The following NRG1 variants were observed in gnomAD, a reference collection of about 807,000 sequenced individuals.
NRG1 encodes pro-neuregulin-1, membrane-bound isoform.
In NRG1, 18 loss-of-function variants were observed where a neutral mutation model predicts 63.8. That is an observed-to-expected ratio of 0.28 (90% CI 0.19 to 0.42). NRG1 has a LOEUF of 0.42. Among genes scored for constraint, NRG1 ranks in the 10% least tolerant of loss-of-function variants. The pLI is 1.00. For missense variants in NRG1, 762 were observed against 814.7 expected (o/e 0.94, Z 0.79); for synonymous variants, 302 against 301.3 (o/e 1.00, Z -0.02).
At chr8:32,130,940 A>G (rs1171554676) in intron 1 of NRG1, among the ~76,000 whole-genome samples, 2 of 151,962 alleles carry the variant, frequency 1.3e-5, no homozygotes, top group African/African-American at 4.8e-5. Flanking sequence ...ATATTTTTAA[A>G]GTCTAAATTA....
intron 1 of NRG1, among the ~76,000 whole-genome samples, chr8:32,485,459 T>C (rs1487780714): frequency 1.3e-5 from 2 of 152,190 alleles, no homozygotes; most frequent in Non-Finnish European, 2.9e-5. Context: ...AATAATAAGC[T>C]TCTATCTTTC....
chr8:32,328,234 G>C (rs1298552125), intron 1 of NRG1, among the ~76,000 whole-genome samples: 1 of 152,148 alleles, frequency 6.6e-6, no homozygotes, highest in Non-Finnish European at 1.5e-5. Flanking sequence ...GATACCTGCT[G>C]TGGTTAATGT....
chr8:32,249,293 C>G lies in NRG1; in HGVS notation c.38-346535C>G, dbSNP rs550815134. ...AACAGGGAAATATTACATACTCTAA[C>G]AATGAGTGGTGACTTCCTTTCTGAA... On this transcript the variant is annotated intron_variant, in intron 1 of 10. Coordinates refer to the NRG1 transcript ENST00000519301. Among the ~76,000 whole-genome samples the G allele has an allele frequency of 3.7e-4, 57 of 152,182 alleles. No homozygotes were observed. The South Asian group carries it at 0.011, about 29-fold the overall frequency.
intron 1 of NRG1, among the ~76,000 whole-genome samples, chr8:32,211,700 C>T (rs940135424): frequency 2.0e-5 from 3 of 152,056 alleles, no homozygotes; most frequent in Non-Finnish European, 4.4e-5. Context: ...AAACACGTTA[C>T]GTTTTGAATA....
intron 1 of NRG1, among the ~76,000 whole-genome samples, chr8:31,711,846 G>A (rs543462242): frequency 6.6e-6 from 1 of 152,272 alleles, no homozygotes; most frequent in East Asian, 1.9e-4. Flanking sequence ...TCACGTAATG[G>A]AAGGAGCAAA....
At chr8:32,690,485 C>T (rs1293744205) in intron 5 of NRG1, among the ~76,000 whole-genome samples, 1 of 152,122 alleles carries the variant, frequency 6.6e-6, no homozygotes, top group East Asian at 1.9e-4. Context: ...ACAATGGAGG[C>T]CTCAGCTAAG....
chr8:31,804,553 A>T (rs1469626742), intron 1 of NRG1, among the ~76,000 whole-genome samples: 1 of 152,152 alleles, frequency 6.6e-6, no homozygotes, highest in African/African-American at 2.4e-5. Flanking sequence ...AGAACCTGTT[A>T]TATATCTCTC....
At chr8:32,652,392 A>G (rs1359108358) in intron 5 of NRG1, among the ~76,000 whole-genome samples, 3 of 152,104 alleles carry the variant, frequency 2.0e-5, no homozygotes, top group South Asian at 2.1e-4. Context: ...TCCCTCATAT[A>G]TAGCAGATTG....
chr8:32,471,008 G>T lies in NRG1; in HGVS notation c.38-124820G>T, dbSNP rs147327535. On this transcript the variant is annotated intron_variant, in intron 1 of 10. Transcript: ENST00000519301. ...TTTTGTAGAGACATCTCTCTATGTT[G>T]CATTTCTGGTCTTGAACTCCTAGGC... is the stretch of plus-strand genomic sequence containing the variant. Among the ~76,000 whole-genome samples, 889 of 152,242 alleles carry T rather than the reference G, an allele frequency of 5.8e-3. 4 individuals carry two copies. Among genetic ancestry groups the T allele is most frequent in the Non-Finnish European group, 8.7e-3 (590 of 68,026 alleles).
At chr8:31,889,040 G>T (rs1455352135) in intron 1 of NRG1, among the ~76,000 whole-genome samples, 1 of 152,046 alleles carries the variant, frequency 6.6e-6, no homozygotes, top group African/African-American at 2.4e-5. Context: ...AGGATCTAAA[G>T]AAATATTTAA....
intron 1 of NRG1, among the ~76,000 whole-genome samples, chr8:32,252,672 A>C (rs1208327500): frequency 6.6e-6 from 1 of 152,210 alleles, no homozygotes; most frequent in Non-Finnish European, 1.5e-5. Context: ...TGTCTTGGCT[A>C]TACAGGCTCT....
intron 1 of NRG1, among the ~76,000 whole-genome samples, chr8:32,196,079 T>C (rs756986552): frequency 2.0e-5 from 3 of 152,104 alleles, no homozygotes; most frequent in Non-Finnish European, 4.4e-5. Context: ...CCTAATACTA[T>C]GTTAGTGCCT....
At chr8:32,212,954 T>C (rs577882176) in intron 1 of NRG1, among the ~76,000 whole-genome samples, 40 of 152,322 alleles carry the variant, frequency 2.6e-4, no homozygotes, top group Non-Finnish European at 4.1e-4. Context: ...ATAGTTTGAA[T>C]ATTGGAGTTA....
At chr8:32,137,947 A>C (rs1173288139) in intron 1 of NRG1, among the ~76,000 whole-genome samples, 2 of 152,182 alleles carry the variant, frequency 1.3e-5, no homozygotes, top group Non-Finnish European at 2.9e-5. Flanking sequence ...GTTTTCTTAA[A>C]TTTGCAAGTC....
At chr8:31,994,850 G>A (rs1811707658) in intron 1 of NRG1, among the ~76,000 whole-genome samples, 1 of 151,654 alleles carries the variant, frequency 6.6e-6, no homozygotes, top group Non-Finnish European at 1.5e-5. Flanking sequence ...AGCTGGGAAG[G>A]CCTCTATTTG....
chr8:32,282,886 T>G (rs975665602), intron 1 of NRG1, among the ~76,000 whole-genome samples: 1 of 152,052 alleles, frequency 6.6e-6, no homozygotes, highest in East Asian at 1.9e-4. Context: ...AAGGGGAAAA[T>G]AGAAGACAGG....
chr8:31,860,732 C>G (rs1488055916), intron 1 of NRG1, among the ~76,000 whole-genome samples: 1 of 152,260 alleles, frequency 6.6e-6, no homozygotes, highest in South Asian at 2.1e-4. Flanking sequence ...AGGCAAAGAT[C>G]ACTTTCAAAA....
Position 32,756,383 on chromosome 8 carries a change from G to A in NRG1, c.795-20G>A. The A allele has an allele frequency of 3.8e-6, 6 of 1,595,656 alleles. No individual in the cohort carries two copies. Among genetic ancestry groups the A allele is most frequent in the Non-Finnish European group, 5.1e-6 (6 of 1,174,154 alleles). ...TGAAAATAATCAAAAAAAAATAAAT[G>A]CTCCCTTTCTTATGTCCAGGAAACA... On this transcript the variant is annotated intron_variant, in intron 8 of 11. Coordinates refer to ENST00000356819, the Ensembl canonical transcript of NRG1.
At chr8:32,706,199 G>T (rs901040956) in intron 5 of NRG1, among the ~76,000 whole-genome samples, 31 of 152,220 alleles carry the variant, frequency 2.0e-4, no homozygotes, top group African/African-American at 6.3e-4. Context: ...GAGACCAAAG[G>T]TCTGTGACTG....
Sources: gnomAD v4.1 joint callset for allele counts (sites outside exome capture counted in the v4.1 genomes callset) on GRCh38, gnomAD v4.1.1 for gene constraint, MANE v1.5 for transcripts, NCBI Gene and HGNC (gene_info 2026-07-23, HGNC 2026-07-21) for gene names.